Variants in VXN observed in about 807,000 individuals in gnomAD.
VXN encodes uncharacterized protein C8orf46.
A neutral mutation model predicts 23.1 loss-of-function variants in VXN; 7 were observed. The ratio of observed to expected loss-of-function variants is 0.30; its 90% CI spans 0.17 to 0.57. VXN has a LOEUF of 0.57. Among genes scored for constraint, VXN ranks in the 20% least tolerant of loss-of-function variants. VXN has a pLI of 0.91. For synonymous variants in VXN, 120 were observed against 105.8 expected, an observed-to-expected ratio of 1.13 and a Z score of -0.83; for missense variants, 238 against 272.6, an observed-to-expected ratio of 0.87 and a Z score of 0.89.
chr8:66,504,253 G>A (rs1006540020), intron 2 of VXN, among the ~76,000 whole-genome samples: 1 of 152,120 alleles, frequency 6.6e-6, no homozygotes, highest in Admixed American at 6.5e-5. Flanking sequence ...TCTTCCTGTG[G>A]ACTCCAGGCT....
rs372087831 is a variant in VXN, at chr8:66,516,119, G to A, written c.*43G>A. 6.7e-5 allele frequency: 102 copies of A among 1,515,460 alleles called. No homozygotes were observed. The African/African-American group carries it at 7.5e-4, about 11-fold the overall frequency. 93.9% of individuals were successfully genotyped at this position (1,515,460 alleles called of 1,614,324 possible). On this transcript the variant is annotated 3_prime_UTR_variant, in exon 6 of 6. Coordinates refer to ENST00000305454, the MANE Select transcript of VXN (RefSeq NM_152765.4). ...TGCCCTGTGTTGGCCAAGGTTCCCC[G>A]GACAAGAGGAAAAACCTTCAGGATT...
chr8:66,507,319 C>G lies in VXN; in HGVS notation c.280+1791C>G, dbSNP rs572507921. Among the ~76,000 whole-genome samples, 232 of 152,330 alleles carry G rather than the reference C, an allele frequency of 1.5e-3. 1 individual carries two copies. The highest frequency in any genetic ancestry group is 5.2e-3 in the African/African-American group (218 of 41,572). On this transcript the variant is annotated intron_variant, in intron 3 of 5. Coordinates refer to ENST00000305454, the MANE Select transcript of VXN (RefSeq NM_152765.4). ...TTTAACAACCCTCTCCCCACCATCC[C>G]TCACTGCCTCCGCCCCACGTGATTC...
intron 1 of VXN, 118 bp downstream of exon 1, chr8:66,493,836 T>C: frequency 2.6e-6 from 2 of 774,910 alleles, no homozygotes; most frequent in Non-Finnish European, 4.3e-6. Context: ...TGATGGACTC[T>C]CGGTTTTGAT....
intron 4 of VXN, 38 bp downstream of exon 4, chr8:66,510,195 C>G: frequency 6.6e-7 from 1 of 1,517,694 alleles, no homozygotes; most frequent in East Asian, 2.3e-5. Flanking sequence ...ATCTGTTGTG[C>G]ATTAAACTTC....
At chr8:66,497,042 G>A (rs555931866) in intron 2 of VXN, among the ~76,000 whole-genome samples, 30 of 152,156 alleles carry the variant, frequency 2.0e-4, no homozygotes, top group African/African-American at 6.7e-4. Context: ...ACGCCAGCAC[G>A]CCTGGCTAAT....
chr8:66,504,148 TG>T, intron 2 of VXN, among the ~76,000 whole-genome samples: 1 of 152,194 alleles, frequency 6.6e-6, no homozygotes, highest in Admixed American at 6.5e-5. Context: ...CCCTCCCCAC[TG>T]TGCAGAGAAG....
At chr8:66,504,801 C>T (rs936753687) in intron 2 of VXN, among the ~76,000 whole-genome samples, 15 of 152,280 alleles carry the variant, frequency 9.9e-5, no homozygotes, top group Middle Eastern at 3.4e-3. Flanking sequence ...GAAGTGGGGA[C>T]GCGGGTAGGA....
At chr8:66,506,630 T>C (rs1452785967) in intron 3 of VXN, among the ~76,000 whole-genome samples, 1 of 152,166 alleles carries the variant, frequency 6.6e-6, no homozygotes, top group African/African-American at 2.4e-5. Context: ...CTTTGCATAT[T>C]ATAAGGACTG....
chr8:66,508,033 G>A (rs901487447), intron 3 of VXN, among the ~76,000 whole-genome samples: 1 of 152,136 alleles, frequency 6.6e-6, no homozygotes, highest in Non-Finnish European at 1.5e-5. Context: ...GCAGTCCCCA[G>A]TCCTGGGCCT....
At chr8:66,509,462 A>G (rs574517513) in intron 3 of VXN, among the ~76,000 whole-genome samples, 1 of 152,334 alleles carries the variant, frequency 6.6e-6, no homozygotes, top group African/African-American at 2.4e-5. Context: ...CTGATCTGAT[A>G]CACTCCAGTC....
chr8:66,494,732 G>A (rs1807606766), intron 1 of VXN: 1 of 152,174 alleles, frequency 6.6e-6, no homozygotes, highest in South Asian at 2.1e-4. Flanking sequence ...GCAGGAGTTG[G>A]AATTCCCTCT....
intron 5 of VXN, 76 bp from the exon 6 acceptor site, chr8:66,515,817 A>T: frequency 7.6e-7 from 1 of 1,315,566 alleles, no homozygotes; most frequent in South Asian, 1.5e-5. Context: ...AGCTCTGGCC[A>T]CTCTTCTTAA....
chr8:66,495,168 G>A (rs1807612080), intron 1 of VXN: 1 of 152,184 alleles, frequency 6.6e-6, no homozygotes, highest in Admixed American at 6.5e-5. Flanking sequence ...GGTAGGGAAG[G>A]AGAATTAGGG....
intron 3 of VXN, among the ~76,000 whole-genome samples, chr8:66,508,492 C>T (rs923193414): frequency 3.3e-5 from 5 of 152,248 alleles, no homozygotes; most frequent in South Asian, 2.1e-4. Flanking sequence ...CACCCCTGTC[C>T]CCACCGTTCT....
chr8:66,496,515 G>A (rs750485775), intron 2 of VXN, 23 bp downstream of exon 2: 1 of 1,610,368 alleles, frequency 6.2e-7, no homozygotes, highest in Non-Finnish European at 8.5e-7. Context: ...TAGTTTTGAT[G>A]TTCTTTGGTT....
At position 66,517,908 on chromosome 8, in the gene VXN, C is replaced by T. The variant is rs1443234265; in HGVS notation, c.*1832C>T. On this transcript the variant is annotated 3_prime_UTR_variant, in exon 6 of 6. Transcript: ENST00000305454. ...GCTGAGTTCCCTATTTCCATATCTCCAGGTGAATCCATGAGAAGCGAGAGG... is the reference window on the plus strand; with the variant it reads ...GCTGAGTTCCCTATTTCCATATCTCTAGGTGAATCCATGAGAAGCGAGAGG... 6.6e-6 allele frequency: 1 copy of T among 152,210 alleles called. No individual in the cohort carries two copies. The highest frequency in any genetic ancestry group is 2.4e-5 in the African/African-American group (1 of 41,428). 9.4% of individuals were successfully genotyped at this position (152,210 alleles called of 1,614,324 possible).
intron 4 of VXN, among the ~76,000 whole-genome samples, chr8:66,511,681 T>G (rs1480655222): frequency 6.6e-6 from 1 of 152,174 alleles, no homozygotes; most frequent in African/African-American, 2.4e-5. Flanking sequence ...ACAGTGCCCT[T>G]GGCAGACAGG....
intron 3 of VXN, among the ~76,000 whole-genome samples, chr8:66,506,533 A>G (rs1254173144): frequency 3.3e-5 from 5 of 152,102 alleles, no homozygotes; most frequent in Admixed American, 2.6e-4. Context: ...TGTTATGCCC[A>G]CAACCTAAAG....
chr8:66,500,134 T>C (rs2130544350), intron 2 of VXN, among the ~76,000 whole-genome samples: 1 of 152,330 alleles, frequency 6.6e-6, no homozygotes, highest in East Asian at 1.9e-4. Context: ...TTTAACCAAA[T>C]TATCGATAAA....
Sources: allele counts gnomAD v4.1 joint callset (sites outside exome capture counted in the v4.1 genomes callset), GRCh38; gene constraint gnomAD v4.1.1; transcripts MANE v1.5; gene names NCBI Gene and HGNC (gene_info 2026-07-23, HGNC 2026-07-21).